TRPC4: variants seen among roughly 807,000 people sequenced by gnomAD.
The protein encoded by TRPC4 is transient receptor potential cation channel subfamily C member 4, also known as short transient receptor potential channel 4.
In TRPC4, 49 loss-of-function variants were observed where a neutral mutation model predicts 99.4. The ratio of observed to expected loss-of-function variants is 0.49; its 90% CI spans 0.39 to 0.63. The LOEUF is 0.63. Among genes scored for constraint, TRPC4 ranks in the 20% least tolerant of loss-of-function variants. The pLI is 0.00. For missense variants in TRPC4, 898 were observed against 1,152.9 expected (o/e 0.78, Z 3.20); for synonymous variants, 454 against 425.9 (o/e 1.07, Z -0.81).
At chr13:37,846,760 C>T (rs1044347651) in intron 1 of TRPC4, among the ~76,000 whole-genome samples, 4 of 151,756 alleles carry the variant, frequency 2.6e-5, no homozygotes, top group South Asian at 2.1e-4. Context: ...AATAAAAAGA[C>T]ATAGATTGGC....
intron 4 of TRPC4, among the ~76,000 whole-genome samples, chr13:37,674,673 G>A (rs1219609930): frequency 6.6e-6 from 1 of 151,892 alleles, no homozygotes; most frequent in Non-Finnish European, 1.5e-5. Context: ...ATTTCCCTTG[G>A]AAAATAACAT....
intron 3 of TRPC4, among the ~76,000 whole-genome samples, chr13:37,695,520 T>C (rs527428448): frequency 3.1e-4 from 47 of 152,182 alleles, no homozygotes; most frequent in Non-Finnish European, 5.7e-4. Context: ...CGAGGTTTGT[T>C]TTTAGACACA....
intron 4 of TRPC4, among the ~76,000 whole-genome samples, chr13:37,677,916 A>G (rs1953113823): frequency 6.6e-6 from 1 of 152,160 alleles, no homozygotes; most frequent in African/African-American, 2.4e-5. Flanking sequence ...GGTTGAAATC[A>G]TACTAAGTAA....
chr13:37,865,206 T>C (rs1160258407), intron 1 of TRPC4, among the ~76,000 whole-genome samples: 1 of 151,588 alleles, frequency 6.6e-6, no homozygotes, highest in Non-Finnish European at 1.5e-5. Flanking sequence ...TTAAAATAAT[T>C]GGAAAATTAA....
chr13:37,778,498 A>G (rs1956763592), intron 2 of TRPC4, among the ~76,000 whole-genome samples: 1 of 151,948 alleles, frequency 6.6e-6, no homozygotes, highest in African/African-American at 2.4e-5. Context: ...GTTGCTAGCT[A>G]TTAATTTATA....
intron 1 of TRPC4, among the ~76,000 whole-genome samples, chr13:37,807,238 G>C (rs545431752): frequency 4.6e-4 from 70 of 151,810 alleles, no homozygotes; most frequent in Non-Finnish European, 9.4e-4. Context: ...CAAAACCCTT[G>C]CTTGCAATCA....
chr13:37,838,737 A>C (rs1958642290), intron 1 of TRPC4, among the ~76,000 whole-genome samples: 1 of 152,186 alleles, frequency 6.6e-6, no homozygotes, highest in South Asian at 2.1e-4. Context: ...TTTTAGGTAT[A>C]TTCTTACTCT....
intron 3 of TRPC4, among the ~76,000 whole-genome samples, chr13:37,738,533 AG>A (rs1955474754): frequency 6.6e-6 from 1 of 152,182 alleles, no homozygotes; most frequent in Admixed American, 6.5e-5. Context: ...AAACTTAAAA[AG>A]TTTCAAAGAT....
At chr13:37,724,844 T>C (rs1954990874) in intron 3 of TRPC4, among the ~76,000 whole-genome samples, 1 of 152,200 alleles carries the variant, frequency 6.6e-6, no homozygotes, top group South Asian at 2.1e-4. Flanking sequence ...TGTTATTTAA[T>C]GAGTACTTGA....
At chr13:37,779,792 C>G (rs183287063) in intron 2 of TRPC4, among the ~76,000 whole-genome samples, 12 of 152,134 alleles carry the variant, frequency 7.9e-5, no homozygotes, top group Non-Finnish European at 1.5e-4. Flanking sequence ...TCTCATAAGT[C>G]TTTTCTTATA....
chr13:37,813,224 T>C (rs9576362), intron 1 of TRPC4, among the ~76,000 whole-genome samples: 38,904 of 151,630 alleles, frequency 0.26, 5,509 homozygotes, highest in East Asian at 0.43. Flanking sequence ...AGTGAAAATA[T>C]AGCATACCAA....
chr13:37,857,098 T>C (rs1959180429), intron 1 of TRPC4, among the ~76,000 whole-genome samples: 1 of 151,446 alleles, frequency 6.6e-6, no homozygotes. Context: ...ACAAAATTAA[T>C]GTACAAAAAT....
At chr13:37,750,138 G>T (rs757775052) in intron 2 of TRPC4, among the ~76,000 whole-genome samples, 3 of 27,730 alleles carry the variant, frequency 1.1e-4, no homozygotes, top group South Asian at 4.4e-3. Flanking sequence ...TTAGCTCTTT[G>T]AAATATATTC....
chr13:37,658,097 G>A (rs1211354801), intron 6 of TRPC4, among the ~76,000 whole-genome samples: 2 of 152,112 alleles, frequency 1.3e-5, no homozygotes, highest in South Asian at 4.1e-4. Flanking sequence ...AATCTATTGA[G>A]ACCAACATTG....
rs756621741 is a variant in TRPC4 at position 37,637,377 on chromosome 13, G to A, written c.2460C>T (p.Gly820=). Reference sequence around the variant, plus strand: ...GCGGCTCCTGAACCACCAGGGCAGAGCCATTGCTTATGTTATGTCTTTCAG... The same window carrying A: ...GCGGCTCCTGAACCACCAGGGCAGAACCATTGCTTATGTTATGTCTTTCAG... ...IASERHNISN[G]SALVVQEPPR... Residue 820 remains glycine, a synonymous_variant, in exon 11 of 11, where the codon GGC becomes GGT. Coordinates refer to ENST00000379705, the MANE Select transcript of TRPC4 (RefSeq NM_016179.4). 2.5e-6 allele frequency: 4 copies of A among 1,613,522 alleles called. No homozygotes were observed. Among genetic ancestry groups the A allele is most frequent in the African/African-American group, 1.3e-5 (1 of 74,818 alleles).
intron 1 of TRPC4, among the ~76,000 whole-genome samples, chr13:37,787,210 C>G (rs34513947): frequency 0.094 from 14,329 of 151,876 alleles, 681 homozygotes; most frequent in South Asian, 0.13. Context: ...TTTCCCTGAA[C>G]AACATTTTAT....
intron 3 of TRPC4, among the ~76,000 whole-genome samples, chr13:37,736,844 T>A (rs945453244): frequency 6.6e-6 from 1 of 151,342 alleles, no homozygotes; most frequent in Non-Finnish European, 1.5e-5. Context: ...TCCTCCCATC[T>A]CAGGCTCCCA....
chr13:37,653,474 A>G (rs1952117710), intron 7 of TRPC4, among the ~76,000 whole-genome samples: 2 of 152,130 alleles, frequency 1.3e-5, no homozygotes, highest in Non-Finnish European at 2.9e-5. Context: ...AGGAAGAAAG[A>G]AAAAGAGAAA....
At position 37,635,202 on chromosome 13, in the gene TRPC4, C is replaced by A. The variant is rs184630260; in HGVS notation, c.*1701G>T. Among the ~76,000 whole-genome samples the A allele has an allele frequency of 6.6e-4, 101 of 152,152 alleles. 1 individual carries two copies. Among genetic ancestry groups the A allele is most frequent in the African/African-American group, 2.3e-3 (97 of 41,520 alleles). On this transcript the variant is annotated 3_prime_UTR_variant, in exon 11 of 11. Coordinates refer to ENST00000379705, the MANE Select transcript of TRPC4 (RefSeq NM_016179.4). ...AGGACTTCAGAAGTGGCAATTGTAA[C>A]CCCTGTATATGCATGTTTTATAACT...
Sources: allele counts gnomAD v4.1 joint callset (sites outside exome capture counted in the v4.1 genomes callset), GRCh38; gene constraint gnomAD v4.1.1; transcripts MANE v1.5; gene names NCBI Gene and HGNC (gene_info 2026-07-23, HGNC 2026-07-21).